Variants in CNTN1 observed in about 807,000 individuals in gnomAD.
The protein encoded by CNTN1 is contactin-1.
Under a neutral mutation model 126.4 loss-of-function variants are expected in CNTN1, and 38 were observed. The ratio of observed to expected loss-of-function variants is 0.30; its 90% CI spans 0.23 to 0.39. CNTN1 has a LOEUF of 0.39. CNTN1 is among the 10% of genes least tolerant of loss of function. CNTN1 has a pLI of 1.00. For missense variants in CNTN1, 1,009 were observed against 1,248.4 expected (o/e 0.81, Z 2.89); for synonymous variants, 413 against 422.6 (o/e 0.98, Z 0.28).
chr12:40,908,888 T>A (rs1290354518), intron 2 of CNTN1, among the ~76,000 whole-genome samples: 1 of 152,162 alleles, frequency 6.6e-6, no homozygotes, highest in Admixed American at 6.6e-5. Context: ...GTAACCACAA[T>A]GGCAAAGAGA....
chr12:41,008,306 T>C (rs1354386651), intron 17 of CNTN1, among the ~76,000 whole-genome samples: 2 of 152,196 alleles, frequency 1.3e-5, no homozygotes, highest in African/African-American at 4.8e-5. Flanking sequence ...ATCATAACAG[T>C]AGGGTTTGTT....
chr12:40,748,898 G>A (rs1938287122), intron 1 of CNTN1, among the ~76,000 whole-genome samples: 1 of 152,086 alleles, frequency 6.6e-6, no homozygotes, highest in Non-Finnish European at 1.5e-5. Context: ...AAAATTTTAA[G>A]TGCGATATAT....
intron 1 of CNTN1, among the ~76,000 whole-genome samples, chr12:40,808,325 A>C (rs997844527): frequency 6.6e-6 from 1 of 152,158 alleles, no homozygotes; most frequent in Non-Finnish European, 1.5e-5. Context: ...TCTCCCAGGG[A>C]AAAGAGAAAA....
intron 16 of CNTN1, among the ~76,000 whole-genome samples, chr12:40,984,173 A>C (rs537173146): frequency 8.6e-5 from 13 of 151,576 alleles, no homozygotes; most frequent in Non-Finnish European, 1.5e-4. Context: ...TATTAATATT[A>C]TCACTTTCTA....
intron 1 of CNTN1, among the ~76,000 whole-genome samples, chr12:40,832,925 C>T (rs190884307): frequency 3.3e-5 from 5 of 152,276 alleles, no homozygotes; most frequent in Admixed American, 1.3e-4. Context: ...CACTTACCTG[C>T]TCCTGTTCGT....
At chr12:41,030,636 G>T (rs1949127708) in intron 23 of CNTN1, among the ~76,000 whole-genome samples, 1 of 151,868 alleles carries the variant, frequency 6.6e-6, no homozygotes, top group African/African-American at 2.4e-5. Context: ...ACTCATTAAA[G>T]TTTTTTTCTA....
intron 23 of CNTN1, among the ~76,000 whole-genome samples, chr12:41,048,456 CCTTT>C (rs1295316353): frequency 2.6e-5 from 4 of 152,140 alleles, no homozygotes; most frequent in Non-Finnish European, 1.5e-5. Flanking sequence ...ATGTGACCTG[CCTTT>C]CTTTCTAAGA....
chr12:41,007,338 G>A (rs999035989), intron 17 of CNTN1, among the ~76,000 whole-genome samples: 1 of 152,108 alleles, frequency 6.6e-6, no homozygotes, highest in Non-Finnish European at 1.5e-5. Context: ...GGGATTACAG[G>A]CGTGAGCCAC....
At chr12:40,956,506 G>A (rs1946885802) in intron 14 of CNTN1, among the ~76,000 whole-genome samples, 1 of 152,088 alleles carries the variant, frequency 6.6e-6, no homozygotes, top group African/African-American at 2.4e-5. Flanking sequence ...TTGGGTAGAG[G>A]TGAAGGTGAT....
chr12:41,063,720 G>A (rs1447676814), intron 23 of CNTN1, among the ~76,000 whole-genome samples: 1 of 152,166 alleles, frequency 6.6e-6, no homozygotes, highest in Non-Finnish European at 1.5e-5. Context: ...CACAGTTATT[G>A]GTCTGGGGAT....
Position 40,821,874 on chromosome 12 carries a change from G to A in CNTN1, c.-76-86483G>A, listed in dbSNP as rs187527563. Among the ~76,000 whole-genome samples, 45 of 152,022 alleles carry A rather than the reference G, an allele frequency of 3.0e-4. No individual in the cohort carries two copies. In the East Asian group the frequency reaches 8.1e-3, roughly 27 times the overall value. Reference sequence around the variant, plus strand: ...TAGAAACTGAAGAAAGGGGACTCCAGCTATAAAACCAAGGGAGCTGGCTTT... The same window carrying A: ...TAGAAACTGAAGAAAGGGGACTCCAACTATAAAACCAAGGGAGCTGGCTTT... On this transcript the variant is annotated intron_variant, in intron 1 of 23. Transcript: ENST00000551295.
intron 1 of CNTN1, among the ~76,000 whole-genome samples, chr12:40,760,049 C>T (rs1209921902): frequency 6.6e-6 from 1 of 152,082 alleles, no homozygotes; most frequent in Non-Finnish European, 1.5e-5. Flanking sequence ...TACCTTAGAT[C>T]TGGAATCAAC....
rs1486745496 is a variant in CNTN1 at position 41,021,461 on chromosome 12, A to G, written c.2523+1021A>G. On this transcript the variant is annotated intron_variant, in intron 20 of 23. Coordinates refer to ENST00000551295, the MANE Select transcript of CNTN1 (RefSeq NM_001843.4). Reference sequence around the variant, plus strand: ...TGTTCTATTCTCAGTGCCATGCAAGACCAGTGCTGAGCACCTGGCAGGCTC... The same window carrying G: ...TGTTCTATTCTCAGTGCCATGCAAGGCCAGTGCTGAGCACCTGGCAGGCTC... 2.6e-5 allele frequency among the ~76,000 whole-genome samples: 4 copies of G among 152,246 alleles called. No individual in the cohort carries two copies. In the East Asian group the frequency reaches 7.7e-4, roughly 29 times the overall value.
At chr12:40,781,744 AT>A (rs2136450715) in intron 1 of CNTN1, among the ~76,000 whole-genome samples, 1 of 152,112 alleles carries the variant, frequency 6.6e-6, no homozygotes. Flanking sequence ...AAGGCCCTAA[AT>A]TTAATTGTTT....
rs114520017 is a variant in CNTN1, at chr12:40,813,373, T to C, written c.-76-94984T>C. On this transcript the variant is annotated intron_variant, in intron 1 of 23. Transcript: ENST00000551295. ...CCCCAACCCACAACAGGCCAGGGTA[T>C]GTGTTGTTCCCCTCTTTGTGTCCAC... Among the ~76,000 whole-genome samples the C allele has an allele frequency of 4.6e-3, 705 of 151,922 alleles. 6 individuals carry two copies. Among genetic ancestry groups the C allele is most frequent in the African/African-American group, 0.013 (527 of 41,442 alleles).
chr12:41,029,675 T>G (rs1028155376), intron 23 of CNTN1, among the ~76,000 whole-genome samples: 1 of 152,176 alleles, frequency 6.6e-6, no homozygotes, highest in Non-Finnish European at 1.5e-5. Context: ...TAGGCTATTA[T>G]TTAATAATAA....
chr12:40,719,565 T>C (rs1272248986), intron 1 of CNTN1, among the ~76,000 whole-genome samples: 5 of 152,246 alleles, frequency 3.3e-5, no homozygotes, highest in Non-Finnish European at 5.9e-5. Context: ...GAATCAAGAC[T>C]GAAACCTTAA....
chr12:40,914,957 A>C (rs10506178), intron 3 of CNTN1, among the ~76,000 whole-genome samples: 4 of 151,852 alleles, frequency 2.6e-5, no homozygotes, highest in Non-Finnish European at 2.9e-5. Context: ...GCATGGCCTC[A>C]TCATTATTAG....
chr12:40,853,196 A>G (rs1268850000), intron 1 of CNTN1, among the ~76,000 whole-genome samples: 1 of 152,048 alleles, frequency 6.6e-6, no homozygotes, highest in Non-Finnish European at 1.5e-5. Flanking sequence ...ACCTGAGCAG[A>G]GTGAAATCAA....
Sources: allele counts gnomAD v4.1 joint callset (sites outside exome capture counted in the v4.1 genomes callset), GRCh38; gene constraint gnomAD v4.1.1; transcripts MANE v1.5; gene names NCBI Gene and HGNC (gene_info 2026-07-23, HGNC 2026-07-21).